DOK6: variants seen among roughly 807,000 people sequenced by gnomAD.
The protein encoded by DOK6 is docking protein 6.
Under a neutral mutation model 44.0 loss-of-function variants are expected in DOK6, and 22 were observed. The observed-to-expected ratio is 0.50, with a 90% CI of 0.36 to 0.71. The LOEUF (loss-of-function observed/expected upper bound fraction) is 0.71. DOK6 is among the 30% of genes least tolerant of loss of function. DOK6 has a pLI of 0.00. For missense variants in DOK6, 340 were observed against 416.4 expected (o/e 0.82, Z 1.60); for synonymous variants, 166 against 145.5 (o/e 1.14, Z -1.01).
chr18:69,570,796 A>G (rs890016740), intron 2 of DOK6, among the ~76,000 whole-genome samples: 4 of 152,224 alleles, frequency 2.6e-5, no homozygotes, highest in African/African-American at 9.6e-5. Context: ...TCTTCAACCA[A>G]AAATTCTATG....
intron 2 of DOK6, among the ~76,000 whole-genome samples, chr18:69,576,877 T>A (rs1388127268): frequency 6.6e-6 from 1 of 152,162 alleles, no homozygotes; most frequent in Non-Finnish European, 1.5e-5. Context: ...AAGTAGCAGT[T>A]TATAGACATT....
intron 7 of DOK6, among the ~76,000 whole-genome samples, chr18:69,789,153 C>A (rs369086734): frequency 6.6e-6 from 1 of 152,224 alleles, no homozygotes; most frequent in East Asian, 1.9e-4. Flanking sequence ...GAAAATGATG[C>A]TAGTACAATT....
intron 3 of DOK6, among the ~76,000 whole-genome samples, chr18:69,624,482 A>G (rs6566435): frequency 0.69 from 104,304 of 151,966 alleles, 39,520 homozygotes; most frequent in Non-Finnish European, 0.86. Context: ...GGAAAAAATA[A>G]TTGTAGTCTC....
chr18:69,657,345 G>A (rs937559799), intron 3 of DOK6, among the ~76,000 whole-genome samples: 2 of 152,180 alleles, frequency 1.3e-5, no homozygotes, highest in African/African-American at 4.8e-5. Context: ...TTAACTGCAT[G>A]ACATGGCTCT....
At position 69,599,457 on chromosome 18, in the gene DOK6, T is replaced by A. The variant is rs1645761658; in HGVS notation, c.248T>A (p.Ile83Asn). 1 of 1,613,912 alleles carries A rather than the reference T, an allele frequency of 6.2e-7. No individual in the cohort carries two copies. The highest frequency in any genetic ancestry group is 1.3e-5 in the African/African-American group (1 of 74,900). ...RETKKHAVAI[I>N]FHDETSKTFA... Reference sequence around the variant, plus strand: ...ACAAAGAAGCATGCGGTGGCAATCATCTTTCACGATGAAACATCGAAGACA... The same window carrying A: ...ACAAAGAAGCATGCGGTGGCAATCAACTTTCACGATGAAACATCGAAGACA... The change falls in exon 3 of 8, where the codon ATC (isoleucine) becomes AAC (asparagine). Residue 83 changes from isoleucine to asparagine, a missense_variant. Ile to Asn is a moderately radical substitution (Grantham distance 149, BLOSUM62 -3). This residue lies in a region of DOK6 where 206 missense variants were observed against 258.6 expected (regional missense o/e 0.80). Coordinates refer to ENST00000382713, the MANE Select transcript of DOK6 (RefSeq NM_152721.6).
At chr18:69,448,082 G>A (rs1979347799) in intron 1 of DOK6, among the ~76,000 whole-genome samples, 1 of 152,206 alleles carries the variant, frequency 6.6e-6, no homozygotes, top group Non-Finnish European at 1.5e-5. Flanking sequence ...AAGAAGGAGT[G>A]TGGTCTGCTG....
intron 1 of DOK6, among the ~76,000 whole-genome samples, chr18:69,525,965 T>G (rs1315502009): frequency 6.6e-6 from 1 of 152,106 alleles, no homozygotes; most frequent in East Asian, 1.9e-4. Flanking sequence ...CAGTGATCTA[T>G]ACAATTTAAA....
At chr18:69,673,670 A>G (rs1985858791) in intron 3 of DOK6, among the ~76,000 whole-genome samples, 1 of 152,208 alleles carries the variant, frequency 6.6e-6, no homozygotes, top group Non-Finnish European at 1.5e-5. Context: ...ATGACTTTCA[A>G]TTTTCCTTTT....
rs1048164288 is a variant in DOK6 at position 69,712,315 on chromosome 18, A to G, written c.599+13722A>G. 1.5e-4 allele frequency among the ~76,000 whole-genome samples: 16 copies of G among 108,078 alleles called. 1 individual carries two copies. The highest frequency in any genetic ancestry group is 6.3e-4 in the Admixed American group (6 of 9,488). 70.9% of individuals were successfully genotyped at this position (108,078 alleles called of 152,430 possible). ...AAAAAAAAAAAAAAAAAAAAAAAAAAAAAAAAAAAAATTTAACCTTTTCCG... is the reference window on the plus strand; with the variant it reads ...AAAAAAAAAAAAAAAAAAAAAAAAAGAAAAAAAAAAATTTAACCTTTTCCG... On this transcript the variant is annotated intron_variant, in intron 5 of 7. Transcript: ENST00000382713.
intron 7 of DOK6, among the ~76,000 whole-genome samples, chr18:69,828,948 A>C (rs1463323334): frequency 2.1e-5 from 3 of 142,186 alleles, no homozygotes; most frequent in Non-Finnish European, 4.7e-5. Context: ...GGGGAATAAA[A>C]GCCTTTATAA....
chr18:69,558,261 A>T (rs1459531274), intron 1 of DOK6, among the ~76,000 whole-genome samples: 1 of 152,018 alleles, frequency 6.6e-6, no homozygotes, highest in Non-Finnish European at 1.5e-5. Context: ...AGAAAAGGTG[A>T]TCTCCTTGTA....
intron 1 of DOK6, among the ~76,000 whole-genome samples, chr18:69,487,412 G>A (rs997762275): frequency 1.3e-5 from 2 of 152,122 alleles, no homozygotes; most frequent in African/African-American, 4.8e-5. Context: ...GCTTCATTGA[G>A]GACAACTGGG....
chr18:69,473,952 C>A (rs1227924264), intron 1 of DOK6, among the ~76,000 whole-genome samples: 2 of 148,058 alleles, frequency 1.4e-5, no homozygotes, highest in East Asian at 3.9e-4. Flanking sequence ...TTCCCCCATG[C>A]ACCCAAGCTT....
At chr18:69,477,475 G>A (rs1980299934) in intron 1 of DOK6, among the ~76,000 whole-genome samples, 1 of 152,180 alleles carries the variant, frequency 6.6e-6, no homozygotes, top group African/African-American at 2.4e-5. Context: ...GCAAGAGGGA[G>A]TCTAGCTGTA....
chr18:69,503,105 T>G (rs1459883158), intron 1 of DOK6, among the ~76,000 whole-genome samples: 1 of 152,162 alleles, frequency 6.6e-6, no homozygotes, highest in East Asian at 1.9e-4. Context: ...TCAAAATAGG[T>G]TGTATGATTT....
intron 1 of DOK6, among the ~76,000 whole-genome samples, chr18:69,433,936 T>C (rs1978876909): frequency 6.6e-6 from 1 of 152,196 alleles, no homozygotes; most frequent in African/African-American, 2.4e-5. Flanking sequence ...GCATGGCTAA[T>C]GTAAAAAGAA....
At chr18:69,524,115 A>G (rs1981763827) in intron 1 of DOK6, among the ~76,000 whole-genome samples, 1 of 152,000 alleles carries the variant, frequency 6.6e-6, no homozygotes, top group South Asian at 2.1e-4. Flanking sequence ...TGACTTTTGT[A>G]TTCTGGAGTG....
intron 2 of DOK6, among the ~76,000 whole-genome samples, chr18:69,594,600 AAAAG>A (rs1282808435): frequency 3.3e-5 from 5 of 151,818 alleles, no homozygotes; most frequent in African/African-American, 4.8e-5. Flanking sequence ...AAAAAAAAAA[AAAAG>A]AAAGAAGAAA....
intron 1 of DOK6, among the ~76,000 whole-genome samples, chr18:69,422,049 C>G (rs1245115097): frequency 6.6e-6 from 1 of 152,212 alleles, no homozygotes; most frequent in Non-Finnish European, 1.5e-5. Context: ...TCTGAACCTT[C>G]CATCATGTGT....
Sources: gnomAD v4.1 joint callset for allele counts (sites outside exome capture counted in the v4.1 genomes callset) on GRCh38, gnomAD v4.1.1 for gene constraint, gnomAD v4.1.1 regional missense constraint, MANE v1.5 for transcripts, NCBI Gene and HGNC (gene_info 2026-07-23, HGNC 2026-07-21) for gene names.